The following ATP10B variants were observed in gnomAD, a reference collection of about 807,000 sequenced individuals.
ATP10B encodes phospholipid-transporting ATPase VB.
Under a neutral mutation model 141.2 loss-of-function variants are expected in ATP10B, and 122 were observed. That is an observed-to-expected ratio of 0.86 (90% CI 0.75 to 1.00). The LOEUF (loss-of-function observed/expected upper bound fraction) is 1.00, where lower values mean the gene tolerates loss of function less well. Among genes scored for constraint, ATP10B ranks in the 50% least tolerant of loss-of-function variants. The pLI is 0.00. For synonymous variants in ATP10B, 685 were observed against 692.0 expected (o/e 0.99, Z 0.16); for missense variants, 1,876 against 1,825.3 (o/e 1.03, Z -0.51).
intron 6 of ATP10B, among the ~76,000 whole-genome samples, chr5:160,672,655 GA>G (rs1282277131): frequency 6.6e-6 from 1 of 152,226 alleles, no homozygotes; most frequent in Non-Finnish European, 1.5e-5. Flanking sequence ...CAGACCGGGA[GA>G]AGCAAGCTTT....
chr5:160,686,541 A>G (rs904553653), intron 5 of ATP10B, among the ~76,000 whole-genome samples: 7 of 152,280 alleles, frequency 4.6e-5, no homozygotes, highest in Admixed American at 3.3e-4. Context: ...CCCGAGCAGT[A>G]TACTCTGCAC....
At chr5:160,574,801 C>CTTTTTTT (rs35450287) in intron 24 of ATP10B, among the ~76,000 whole-genome samples, 4 of 140,932 alleles carry the variant, frequency 2.8e-5, no homozygotes, top group African/African-American at 1.1e-4. Flanking sequence ...CAGCATTCAT[C>CTTTTTTT]TTTTTTTTTT....
At chr5:160,878,810 G>A in the ATP10B span, among the ~76,000 whole-genome samples, 1 of 151,352 alleles carries the variant, frequency 6.6e-6, no homozygotes, top group East Asian at 1.9e-4. Context: ...GGCCATCAGA[G>A]AAATGCAAAT....
intron 6 of ATP10B, among the ~76,000 whole-genome samples, chr5:160,680,171 C>T (rs564403502): frequency 6.6e-6 from 1 of 151,604 alleles, no homozygotes; most frequent in South Asian, 2.1e-4. Flanking sequence ...ATTCCAAGGG[C>T]TCTAGTATTC....
At chr5:160,581,830 C>T (rs754081139) in intron 24 of ATP10B, among the ~76,000 whole-genome samples, 2 of 152,036 alleles carry the variant, frequency 1.3e-5, no homozygotes, top group African/African-American at 2.4e-5. Flanking sequence ...AATCTGGGTG[C>T]CCTGTATTTG....
chr5:160,871,908 T>C, the ATP10B span, among the ~76,000 whole-genome samples: 1 of 152,138 alleles, frequency 6.6e-6, no homozygotes, highest in African/African-American at 2.4e-5. Flanking sequence ...TGTGTAGACA[T>C]CCAGCAGTGG....
At chr5:160,864,521 G>C in the ATP10B span, among the ~76,000 whole-genome samples, 1 of 151,696 alleles carries the variant, frequency 6.6e-6, no homozygotes, top group Non-Finnish European at 1.5e-5. Flanking sequence ...AACAAGACAA[G>C]GATGCCCATT....
intron 1 of ATP10B, among the ~76,000 whole-genome samples, chr5:160,822,227 G>T (rs1261141596): frequency 6.6e-6 from 1 of 152,024 alleles, no homozygotes; most frequent in Admixed American, 6.5e-5. Flanking sequence ...TTTTGCAAAA[G>T]AAAACATACC....
At chr5:160,873,378 G>A in the ATP10B span, among the ~76,000 whole-genome samples, 4 of 152,164 alleles carry the variant, frequency 2.6e-5, no homozygotes, top group Non-Finnish European at 4.4e-5. Context: ...CAATATCATA[G>A]TAGAAGTCCT....
intron 3 of ATP10B, among the ~76,000 whole-genome samples, chr5:160,708,633 G>A (rs763109979): frequency 3.3e-5 from 5 of 152,174 alleles, no homozygotes; most frequent in Admixed American, 6.5e-5. Flanking sequence ...AGAAGCCTCT[G>A]ATGGTGGTAG....
At chr5:160,924,166 T>A in the ATP10B span, among the ~76,000 whole-genome samples, 1 of 152,210 alleles carries the variant, frequency 6.6e-6, no homozygotes, top group African/African-American at 2.4e-5. Flanking sequence ...AGAACAGGTT[T>A]TTCAAGGATA....
intron 3 of ATP10B, among the ~76,000 whole-genome samples, chr5:160,714,881 G>A (rs893314700): frequency 3.4e-5 from 5 of 146,972 alleles, no homozygotes; most frequent in South Asian, 2.2e-4. Flanking sequence ...GCCGTGTGAG[G>A]TGTCAGTGTG....
chr5:160,652,101 C>T (rs1019957084), intron 7 of ATP10B, among the ~76,000 whole-genome samples: 1 of 152,152 alleles, frequency 6.6e-6, no homozygotes, highest in African/African-American at 2.4e-5. Flanking sequence ...GACTCTTGTT[C>T]CTCTGTTGGG....
chr5:160,885,787 T>C, the ATP10B span, among the ~76,000 whole-genome samples: 1 of 152,224 alleles, frequency 6.6e-6, no homozygotes, highest in Non-Finnish European at 1.5e-5. Context: ...AAAATATCTG[T>C]AGCAGAGCAA....
At chr5:160,635,564 A>G (rs907431570) in intron 11 of ATP10B, among the ~76,000 whole-genome samples, 1 of 152,230 alleles carries the variant, frequency 6.6e-6, no homozygotes, top group Non-Finnish European at 1.5e-5. Context: ...GCAATGAAAC[A>G]TCCTCCAATA....
intron 2 of ATP10B, among the ~76,000 whole-genome samples, chr5:160,779,052 G>C (rs949463775): frequency 4.6e-5 from 7 of 152,170 alleles, no homozygotes; most frequent in Admixed American, 2.0e-4. Flanking sequence ...TTACATAGGA[G>C]GTGTGCAGAA....
In ATP10B at chr5:160,607,037, A is replaced by C. The variant is rs575719371; in HGVS notation, c.2888T>G (p.Phe963Cys). 3.1e-6 allele frequency: 5 copies of C among 1,614,088 alleles called. No individual in the cohort carries two copies. In the South Asian group the frequency reaches 4.4e-5, roughly 14 times the overall value. ...LNCALEELKQ[F>C]RELQKPDRKL... ...GCGGTCTGGCTTCTGTAGTTCACGA[A>C]ATTGCTTTAGCTCTTCCAATGCACA... Residue 963 changes from phenylalanine to cysteine, a missense_variant, in exon 19 of 26, where the codon TTT becomes TGT. Phe to Cys is a radical substitution (Grantham distance 205). Coordinates refer to ENST00000327245, the MANE Select transcript of ATP10B (RefSeq NM_025153.3).
intron 17 of ATP10B, chr5:160,614,115 A>G (rs1757872036): frequency 6.6e-6 from 1 of 151,876 alleles, no homozygotes; most frequent in Non-Finnish European, 1.5e-5. Context: ...AAAGAACCCC[A>G]TTATCCTGAA....
the ATP10B span, among the ~76,000 whole-genome samples, chr5:160,901,017 T>C: frequency 6.9e-6 from 1 of 145,440 alleles, no homozygotes; most frequent in African/African-American, 2.5e-5. Context: ...TGCTCTGAAG[T>C]TGTAGGAAAA....
Sources: gnomAD v4.1 joint callset for allele counts (sites outside exome capture counted in the v4.1 genomes callset) on GRCh38, gnomAD v4.1.1 for gene constraint, MANE v1.5 for transcripts, NCBI Gene and HGNC (gene_info 2026-07-23, HGNC 2026-07-21) for gene names.